Variants in NBPF20 observed in about 807,000 individuals in gnomAD.
NBPF20 encodes NBPF family member NBPF20.
NBPF20 carries 90 observed loss-of-function variants against 68.1 expected under a neutral mutation model. The observed-to-expected ratio is 1.32, with a 90% CI of 1.11 to 1.58. NBPF20 has a LOEUF of 1.58. NBPF20 is among the 40% of genes most tolerant of loss of function. The pLI is 0.00. For synonymous variants in NBPF20, 290 were observed against 228.1 expected, an observed-to-expected ratio of 1.27 and a Z score of -2.45; for missense variants, 816 against 601.2, an observed-to-expected ratio of 1.36 and a Z score of -3.74.
At chr1:145,291,518 A>T (rs782705570) in exon 138 of NBPF20, 1 of 1,611,916 alleles carries the variant, frequency 6.2e-7, no homozygotes, top group African/African-American at 1.3e-5. Flanking sequence ...CGGCTTAGTA[A>T]GGGCTGTTTA....
chr1:145,400,722 A>T, intron 5 of NBPF20, 128 bp from the exon 11 acceptor site: 3 of 1,438,576 alleles, frequency 2.1e-6, no homozygotes, highest in Admixed American at 1.8e-5. Flanking sequence ...GGAGGTTCCC[A>T]TTAAGGGGGA....
At chr1:145,398,085 G>T (rs1426240540) in intron 7 of NBPF20, among the ~76,000 whole-genome samples, 1 of 152,058 alleles carries the variant, frequency 6.6e-6, no homozygotes, top group Admixed American at 6.6e-5. Context: ...CATAAAGCAA[G>T]TCCTGAGAGA....
intron 83 of NBPF20, among the ~76,000 whole-genome samples, 190 bp downstream of exon 88, chr1:145,335,052 G>T (rs1661569655): frequency 1.5e-5 from 1 of 66,014 alleles, no homozygotes; most frequent in African/African-American, 5.3e-5. Flanking sequence ...CCTATAGTAA[G>T]TTAGTAAATG....
intron 115 of NBPF20, among the ~76,000 whole-genome samples, chr1:145,309,523 T>C (rs1366568040): frequency 2.9e-5 from 2 of 69,296 alleles, no homozygotes; most frequent in African/African-American, 1.5e-4. Flanking sequence ...GCTCAGTGAA[T>C]TATCCAGGTG....
chr1:145,395,370 A>G (rs1662174445), intron 7 of NBPF20, among the ~76,000 whole-genome samples: 1 of 145,734 alleles, frequency 6.9e-6, no homozygotes, highest in Non-Finnish European at 1.5e-5. Flanking sequence ...GCCACAGATG[A>G]GCCAACTCAG....
rs370631350 is a variant in NBPF20, at chr1:145,292,436, T to C, written c.16642A>G (p.Lys5548Glu). 1,350 of 702,196 alleles carry C rather than the reference T, an allele frequency of 1.9e-3. 27 individuals are homozygous for C. Among genetic ancestry groups the C allele is most frequent in the South Asian group, 9.6e-3 (632 of 66,076 alleles). The allele number at this position is 702,196 out of a possible 1,614,324, so 43.5% of individuals were successfully genotyped here. A position where few individuals can be genotyped will look rare whatever the true frequency, so the allele number is the denominator to read the frequency against. ...CCTTCTTTTCTTCCCCTTCTTCTTT[T>C]CTTCTTTGATCTTCTTCCCCTTCTT... Residue 5548 changes from lysine to glutamate, a missense_variant, in exon 137 of 138, where the codon AAA becomes GAA. Lys to Glu is a moderately conservative substitution (Grantham distance 56, BLOSUM62 1). Coordinates refer to ENST00000369373, the Ensembl canonical transcript of NBPF20.
chr1:145,406,554 A>G (rs1248774749), upstream of NBPF20, among the ~76,000 whole-genome samples: 1 of 151,930 alleles, frequency 6.6e-6, no homozygotes, highest in Non-Finnish European at 1.5e-5. Flanking sequence ...TTACATTTCT[A>G]TGAAAGATGT....
rs587654198 is a variant in NBPF20, at chr1:145,291,853, G to T, written c.16698-84C>A. ...CACTAGATTTCAGAAGTCACATAAG[G>T]AAGTGGTTAGAAAAGAAAAAGGATA... On this transcript the variant is annotated intron_variant, in intron 137 of 137. Transcript: ENST00000369373. The T allele has an allele frequency of 3.9e-5, 63 of 1,607,952 alleles. No individual in the cohort carries two copies. In the African/African-American group the frequency reaches 6.7e-4, roughly 17 times the overall value.
chr1:145,291,411 C>A lies in NBPF20; in HGVS notation c.*115G>T, dbSNP rs1440330365. Reference sequence around the variant, plus strand: ...TTTGAGAATAGGAATACAGCCATGCCCACTGACCCATCCTATGTCTGGGCT... The same window carrying A: ...TTTGAGAATAGGAATACAGCCATGCACACTGACCCATCCTATGTCTGGGCT... On this transcript the variant is annotated 3_prime_UTR_variant, in exon 138 of 138. Coordinates refer to ENST00000369373, the Ensembl canonical transcript of NBPF20. 10 of 1,603,802 alleles carry A rather than the reference C, an allele frequency of 6.2e-6. No homozygotes were observed. In the East Asian group the frequency reaches 1.1e-4, roughly 18 times the overall value.
upstream of NBPF20, among the ~76,000 whole-genome samples, chr1:145,407,449 A>G (rs1178329699): frequency 2.0e-5 from 3 of 147,200 alleles, no homozygotes; most frequent in Non-Finnish European, 4.5e-5. Context: ...ATACATGTAT[A>G]TACGTGTATA....
chr1:145,292,473 C>T (rs1174837333), exon 137 of NBPF20: 1 of 717,472 alleles, frequency 1.4e-6, no homozygotes, highest in African/African-American at 2.1e-5. Context: ...TCTTCCCCTT[C>T]CCCTTCTTTT....
chr1:145,291,173 A>T, exon 138 of NBPF20: 1 of 417,496 alleles, frequency 2.4e-6, no homozygotes, highest in South Asian at 2.5e-5. Context: ...AGCTAAACAC[A>T]AAGATGACAA....
chr1:145,395,760 C>T (rs1285487209), intron 7 of NBPF20, among the ~76,000 whole-genome samples: 4 of 148,192 alleles, frequency 2.7e-5, no homozygotes, highest in Non-Finnish European at 5.9e-5. Flanking sequence ...AGCTGAGGGA[C>T]CTGACTGTTA....
In NBPF20 at chr1:145,292,326, C is replaced by A. The variant is rs1343758188; in HGVS notation, c.16697+55G>T. 19 of 636,980 alleles carry A rather than the reference C, an allele frequency of 3.0e-5. 1 individual carries two copies. The highest frequency in any genetic ancestry group is 4.2e-5 in the Non-Finnish European group (15 of 361,264). The allele number at this position is 636,980 out of a possible 1,614,324, so 39.5% of individuals were successfully genotyped here. ...CAAACACACTCTGGTTTCCCTGAAT[C>A]TGTTGCCTCCAGGTGTTAACACAGA... On this transcript the variant is annotated intron_variant, in intron 137 of 137. Transcript: ENST00000369373.
chr1:145,409,628 T>C (rs1310560161), upstream of NBPF20, among the ~76,000 whole-genome samples: 1 of 147,604 alleles, frequency 6.8e-6, no homozygotes, highest in Admixed American at 6.8e-5. Context: ...AACAAGTTTA[T>C]TGGAGATCTG....
At chr1:145,419,094 A>AG in the NBPF20 span, among the ~76,000 whole-genome samples, 1 of 125,756 alleles carries the variant, frequency 8.0e-6, no homozygotes, top group African/African-American at 3.5e-5. Flanking sequence ...GAAGGAAGGA[A>AG]GGAAGGGAGG....
chr1:145,419,554 C>T, the NBPF20 span, among the ~76,000 whole-genome samples: 2 of 152,148 alleles, frequency 1.3e-5, no homozygotes, highest in Admixed American at 6.5e-5. Context: ...TCCTTGTCCA[C>T]TCCAGAAGCT....
chr1:145,424,220 C>A, the NBPF20 span, among the ~76,000 whole-genome samples: 1 of 149,330 alleles, frequency 6.7e-6, no homozygotes, highest in Non-Finnish European at 1.5e-5. Context: ...AAGTGATCCG[C>A]CCACCTTGGC....
upstream of NBPF20, chr1:145,408,121 TCAG>T (rs1662881903): frequency 9.2e-6 from 2 of 216,456 alleles, no homozygotes; most frequent in South Asian, 9.3e-5. Context: ...GGCAATTTCA[TCAG>T]CAAGTAATGT....
Sources: gnomAD v4.1 joint callset for allele counts (sites outside exome capture counted in the v4.1 genomes callset) on GRCh38, gnomAD v4.1.1 for gene constraint, MANE v1.5 for transcripts, NCBI Gene and HGNC (gene_info 2026-07-23, HGNC 2026-07-21) for gene names.